MCTP1: variants seen among roughly 807,000 people sequenced by gnomAD.
MCTP1 encodes multiple C2 and transmembrane domain-containing protein 1.
A neutral mutation model predicts 120.6 loss-of-function variants in MCTP1; 69 were observed. The observed-to-expected ratio is 0.57, with a 90% confidence interval of 0.47 to 0.70. MCTP1 has a LOEUF of 0.70. MCTP1 is among the 30% of genes least tolerant of loss of function. MCTP1 has a pLI of 0.00. For synonymous variants in MCTP1, 529 were observed against 493.1 expected (o/e 1.07, Z -0.96); for missense variants, 1,203 against 1,248.8 (o/e 0.96, Z 0.55).
chr5:94,995,002 CT>C (rs149939443), intron 2 of MCTP1, among the ~76,000 whole-genome samples: 1 of 152,318 alleles, frequency 6.6e-6, no homozygotes, highest in African/African-American at 2.4e-5. Flanking sequence ...CGGCTTCCTA[CT>C]TTTGAGGTTT....
chr5:94,953,361 C>T lies in MCTP1; in HGVS notation c.839G>A (p.Gly280Glu). Residue 280 changes from glycine to glutamate, a missense_variant and splice_region_variant, in exon 3 of 23, where the codon GGG becomes GAG. Around this residue, in one of 2 missense-constraint regions of MCTP1, gnomAD observed 740 missense variants for 871.1 expected, o/e 0.85. Transcript: ENST00000515393. ...AAACTTCACATATGGATCACTCGTC[C>T]CTGTTAAATAGATAGATTGATCCAT... ...GQSLAARDRG[G>E]TSDPYVKFKI... 3.1e-6 allele frequency: 5 copies of T among 1,595,146 alleles called. No homozygotes were observed. The highest frequency in any genetic ancestry group is 4.3e-6 in the Non-Finnish European group (5 of 1,170,210).
intron 1 of MCTP1, among the ~76,000 whole-genome samples, chr5:95,038,819 T>G (rs1841802508): frequency 6.6e-6 from 1 of 152,238 alleles, no homozygotes; most frequent in Non-Finnish European, 1.5e-5. Flanking sequence ...TGACCACACA[T>G]TAGGCTATAA....
chr5:94,997,181 C>T (rs931343279), intron 2 of MCTP1, among the ~76,000 whole-genome samples: 1 of 152,122 alleles, frequency 6.6e-6, no homozygotes, highest in South Asian at 2.1e-4. Context: ...CCCAAAAACT[C>T]GTGCTTCAAC....
At chr5:94,947,060 C>T (rs1347539499) in intron 3 of MCTP1, among the ~76,000 whole-genome samples, 1 of 152,098 alleles carries the variant, frequency 6.6e-6, no homozygotes, top group Non-Finnish European at 1.5e-5. Context: ...TGATCTATTC[C>T]CCTATTTCCA....
At chr5:94,775,964 A>ATT (rs910430236) in intron 19 of MCTP1, among the ~76,000 whole-genome samples, 33 of 141,102 alleles carry the variant, frequency 2.3e-4, no homozygotes, top group African/African-American at 8.2e-4. Context: ...ATATATTTAT[A>ATT]TTATATATAT....
intron 1 of MCTP1, among the ~76,000 whole-genome samples, chr5:95,187,827 T>C (rs529642207): frequency 1.3e-4 from 20 of 152,282 alleles, no homozygotes; most frequent in Admixed American, 1.1e-3. Flanking sequence ...GTGACTATAG[T>C]CAATATTAAG....
chr5:94,980,288 G>A (rs552770262), intron 2 of MCTP1, among the ~76,000 whole-genome samples: 45 of 152,064 alleles, frequency 3.0e-4, no homozygotes, highest in Non-Finnish European at 5.1e-4. Context: ...ATGCCTTCCC[G>A]TCACAACTAA....
chr5:95,141,386 A>C (rs1759918510), intron 1 of MCTP1, among the ~76,000 whole-genome samples: 1 of 152,234 alleles, frequency 6.6e-6, no homozygotes, highest in Non-Finnish European at 1.5e-5. Flanking sequence ...CTAAATACCT[A>C]CAGTTACTCT....
At chr5:94,854,586 A>G (rs1384758316) in intron 17 of MCTP1, among the ~76,000 whole-genome samples, 1 of 151,852 alleles carries the variant, frequency 6.6e-6, no homozygotes, top group African/African-American at 2.4e-5. Context: ...TTCTATGACA[A>G]TTACCGAGCT....
At chr5:94,821,459 C>T (rs1463398085) in intron 17 of MCTP1, among the ~76,000 whole-genome samples, 1 of 152,156 alleles carries the variant, frequency 6.6e-6, no homozygotes. Context: ...TTATGTGCCA[C>T]CTTCAGCACT....
At chr5:94,773,318 A>G (rs1774515927) in intron 19 of MCTP1, among the ~76,000 whole-genome samples, 1 of 152,182 alleles carries the variant, frequency 6.6e-6, no homozygotes, top group Admixed American at 6.5e-5. Context: ...AAAGAATATG[A>G]TTTGGGAGGC....
chr5:95,247,484 G>C (rs2152691369), intron 1 of MCTP1, among the ~76,000 whole-genome samples: 1 of 152,190 alleles, frequency 6.6e-6, no homozygotes, highest in South Asian at 2.1e-4. Context: ...TGTGATGTTA[G>C]GGTGTCGATT....
rs780614022 is a variant in MCTP1, at chr5:94,963,358, T to TTTA, written c.839-9998_839-9997insTAA. ...GCTAGGTAATATTGTAATTCTATTT[T>TTTA]TTTTTTTTTTTGAGAAACCTCCATA... On this transcript the variant is annotated intron_variant, in intron 2 of 22. Transcript: ENST00000515393. Among the ~76,000 whole-genome samples the TTTA allele has an allele frequency of 5.9e-3, 556 of 95,024 alleles. 2 individuals carry two copies. Among genetic ancestry groups the TTTA allele is most frequent in the Admixed American group, 7.9e-3 (76 of 9,642 alleles). 62.3% of individuals were successfully genotyped at this position (95,024 alleles called of 152,430 possible).
chr5:94,908,126 G>T (rs1161809395), intron 10 of MCTP1, among the ~76,000 whole-genome samples: 1 of 151,900 alleles, frequency 6.6e-6, no homozygotes, highest in Middle Eastern at 3.2e-3. Flanking sequence ...TAACAGATGT[G>T]GTATATCCCA....
At chr5:94,789,655 G>A (rs950447422) in intron 18 of MCTP1, 1 of 152,156 alleles carries the variant, frequency 6.6e-6, no homozygotes, top group African/African-American at 2.4e-5. Context: ...ACATATATCT[G>A]GGACTATCTA....
At chr5:95,206,179 A>G (rs77521381) in intron 1 of MCTP1, among the ~76,000 whole-genome samples, 1,591 of 152,352 alleles carry the variant, frequency 0.01, 13 homozygotes, top group Middle Eastern at 0.031. Flanking sequence ...TATAAGGAAT[A>G]TTATTTGGCA....
intron 10 of MCTP1, among the ~76,000 whole-genome samples, chr5:94,895,595 A>C (rs1038955564): frequency 6.6e-6 from 1 of 152,250 alleles, no homozygotes; most frequent in African/African-American, 2.4e-5. Flanking sequence ...GGCATTTAAA[A>C]TAGGAAATAG....
intron 1 of MCTP1, among the ~76,000 whole-genome samples, chr5:95,276,500 C>T (rs940748637): frequency 4.0e-5 from 6 of 150,624 alleles, no homozygotes; most frequent in Admixed American, 1.3e-4. Context: ...TCAGGTGATC[C>T]GCTGCCTCGG....
rs757830060 is a variant in MCTP1, at chr5:94,873,203, C to T, written c.1972G>A (p.Asp658Asn). Residue 658 changes from aspartate to asparagine, a missense_variant, in exon 13 of 23, where the codon GAT (aspartate) becomes AAT (asparagine). Transcript: ENST00000515393. ...DPFCVVELNN[D>N]RLLTHTVYKN... is the part of the protein sequence containing the mutation. ...TAGACAGTATGTGTTAGCAGTCTAT[C>T]GTTGTTCAGTTCTACCACACAAAAT... is the stretch of plus-strand genomic sequence containing the variant. 23 of 1,610,992 alleles carry T rather than the reference C, an allele frequency of 1.4e-5. No homozygotes were observed. Among genetic ancestry groups the T allele is most frequent in the Non-Finnish European group, 1.8e-5 (21 of 1,177,794 alleles).
Sources: allele counts gnomAD v4.1 joint callset (sites outside exome capture counted in the v4.1 genomes callset), GRCh38; gene constraint gnomAD v4.1.1; regional missense constraint gnomAD v4.1.1; transcripts MANE v1.5; gene names NCBI Gene and HGNC (gene_info 2026-07-23, HGNC 2026-07-21).